TCERG1L: variants seen among roughly 807,000 people sequenced by gnomAD.
TCERG1L encodes the protein transcription elongation regulator 1-like protein.
Under a neutral mutation model 56.3 loss-of-function variants are expected in TCERG1L, and 37 were observed. The ratio of observed to expected loss-of-function variants is 0.66; its 90% CI spans 0.51 to 0.87. The LOEUF (loss-of-function observed/expected upper bound fraction) is 0.87. TCERG1L is among the 40% of genes least tolerant of loss of function. TCERG1L has a pLI of 0.00. For synonymous variants in TCERG1L, 324 were observed against 326.3 expected, an observed-to-expected ratio of 0.99 and a Z score of 0.08; for missense variants, 799 against 774.2, an observed-to-expected ratio of 1.03 and a Z score of -0.38.
intron 10 of TCERG1L, among the ~76,000 whole-genome samples, chr10:131,100,684 T>A (rs903640816): frequency 6.6e-6 from 1 of 152,088 alleles, no homozygotes; most frequent in Non-Finnish European, 1.5e-5. Flanking sequence ...CCTGTGCAGC[T>A]CCCCCGGCAG....
intron 6 of TCERG1L, among the ~76,000 whole-genome samples, chr10:131,157,068 C>G (rs866424518): frequency 6.6e-6 from 1 of 152,196 alleles, no homozygotes; most frequent in Non-Finnish European, 1.5e-5. Flanking sequence ...CTACTAACAT[C>G]AGAGGAATGC....
chr10:131,240,623 TAC>T (rs1265266480), intron 4 of TCERG1L, among the ~76,000 whole-genome samples: 2 of 152,246 alleles, frequency 1.3e-5, no homozygotes, highest in East Asian at 3.9e-4. Flanking sequence ...GCACAGGGTT[TAC>T]AGTCTTGCAG....
intron 3 of TCERG1L, among the ~76,000 whole-genome samples, chr10:131,276,832 C>G (rs147367386): frequency 6.4e-4 from 98 of 152,244 alleles, no homozygotes; most frequent in Non-Finnish European, 1.2e-3. Context: ...ATAAATGTGT[C>G]CACACTGATG....
rs767194860 is a variant in TCERG1L at position 131,229,522 on chromosome 10, C to T, written c.856+30737G>A. Among the ~76,000 whole-genome samples, 4 of 152,040 alleles carry T rather than the reference C, an allele frequency of 2.6e-5. No homozygotes were observed. The South Asian group carries it at 6.2e-4, about 24-fold the overall frequency. On this transcript the variant is annotated intron_variant, in intron 4 of 11. Coordinates refer to ENST00000368642, the MANE Select transcript of TCERG1L (RefSeq NM_174937.4). ...TGCTCAGCACCACCATTCCAGGAAG[C>T]GAAGGTCAACATGACAGTAAAATAT...
intron 4 of TCERG1L, among the ~76,000 whole-genome samples, chr10:131,233,480 G>A (rs575832402): frequency 1.3e-4 from 19 of 150,364 alleles, no homozygotes; most frequent in African/African-American, 3.4e-4. Context: ...ACACAGACAC[G>A]CACACACGCT....
In TCERG1L at chr10:131,267,998, C is replaced by A. The variant is rs1055968473; in HGVS notation, c.671-7554G>T. Among the ~76,000 whole-genome samples, 1 of 152,194 alleles carries A rather than the reference C, an allele frequency of 6.6e-6. No homozygotes were observed. Among genetic ancestry groups the A allele is most frequent in the Non-Finnish European group, 1.5e-5 (1 of 68,032 alleles). On this transcript the variant is annotated intron_variant, in intron 3 of 11. Transcript: ENST00000368642. This position sits in a 1 kb window ranked among gnomAD's most constrained non-coding sequence, Gnocchi z 4.9. ...CTGGGAGCGAATTGCAGGCCCTGGG[C>A]CCAGCTGCCAGGAGTGCCAGGCTCA...
At chr10:131,174,800 G>A (rs1272085913) in intron 4 of TCERG1L, among the ~76,000 whole-genome samples, 3 of 152,034 alleles carry the variant, frequency 2.0e-5, no homozygotes, top group Admixed American at 6.6e-5. Context: ...CCACAAGAAG[G>A]GGTCTCAGTA....
At chr10:131,100,082 G>C (rs2133379586) in intron 10 of TCERG1L, among the ~76,000 whole-genome samples, 1 of 152,126 alleles carries the variant, frequency 6.6e-6, no homozygotes, top group East Asian at 1.9e-4. Flanking sequence ...GGCCAGCCTG[G>C]TTGCGAACTC....
Position 131,146,635 on chromosome 10 carries a change from G to C in TCERG1L, c.1060C>G (p.Arg354Gly), listed in dbSNP as rs776171772. The C allele has an allele frequency of 2.5e-6, 4 of 1,613,516 alleles. No homozygotes were observed. Among genetic ancestry groups the C allele is most frequent in the East Asian group, 2.2e-5 (1 of 44,862 alleles). The change falls in exon 7 of 12, where the codon CGA becomes GGA. Residue 354 changes from arginine to glycine, a missense_variant. Physicochemically the swap from Arg to Gly is moderately radical, Grantham distance 125 (BLOSUM62 -2). Transcript: ENST00000368642. The part of the protein sequence containing the change: ...PWCVVWTGDD[R>G]VFFFNPTMHL... Reference sequence around the variant, plus strand: ...ATCGTTGGGTTGAAGAAGAAAACTCGGTCATCGCCCGTCCAGACCACACAC... The same window carrying C: ...ATCGTTGGGTTGAAGAAGAAAACTCCGTCATCGCCCGTCCAGACCACACAC...
At chr10:131,291,803 A>G (rs1451092693) in intron 3 of TCERG1L, among the ~76,000 whole-genome samples, 3 of 151,786 alleles carry the variant, frequency 2.0e-5, no homozygotes, top group Non-Finnish European at 4.4e-5. Context: ...ATTACTTCTC[A>G]GAATGTTGTC....
At chr10:131,255,733 A>G (rs1488480210) in intron 4 of TCERG1L, among the ~76,000 whole-genome samples, 3 of 152,266 alleles carry the variant, frequency 2.0e-5, no homozygotes, top group Non-Finnish European at 4.4e-5. Flanking sequence ...GGAACGGAGC[A>G]GCTCAGAAAG....
intron 4 of TCERG1L, among the ~76,000 whole-genome samples, chr10:131,231,585 T>C (rs1429923676): frequency 6.6e-6 from 1 of 151,248 alleles, no homozygotes; most frequent in Non-Finnish European, 1.5e-5. Flanking sequence ...ATCAGAGGGG[T>C]TCGGAGCAGG....
At chr10:131,197,652 G>A (rs923374659) in intron 4 of TCERG1L, among the ~76,000 whole-genome samples, 1 of 152,174 alleles carries the variant, frequency 6.6e-6, no homozygotes, top group East Asian at 1.9e-4. Flanking sequence ...TCTACCCAGG[G>A]AGATGGCCCA....
chr10:131,109,582 C>T (rs905767121), intron 9 of TCERG1L, among the ~76,000 whole-genome samples: 1 of 152,190 alleles, frequency 6.6e-6, no homozygotes, highest in Non-Finnish European at 1.5e-5. Context: ...GTGTTTGACT[C>T]TGTCCGAGGA....
intron 6 of TCERG1L, among the ~76,000 whole-genome samples, chr10:131,158,462 G>A (rs1230288600): frequency 1.3e-5 from 2 of 152,182 alleles, no homozygotes; most frequent in Non-Finnish European, 2.9e-5. Context: ...AGTTAACCAC[G>A]AGTAAGACTA....
chr10:131,182,025 T>C (rs1845184533), intron 4 of TCERG1L, among the ~76,000 whole-genome samples: 1 of 152,154 alleles, frequency 6.6e-6, no homozygotes, highest in Non-Finnish European at 1.5e-5. Flanking sequence ...TATGTGTGTG[T>C]ACATAGCACT....
At chr10:131,102,237 T>C (rs1409824922) in intron 10 of TCERG1L, among the ~76,000 whole-genome samples, 2 of 152,170 alleles carry the variant, frequency 1.3e-5, no homozygotes, top group Non-Finnish European at 2.9e-5. Context: ...TCCAAGTTCT[T>C]GAAAGGTTCA....
intron 4 of TCERG1L, among the ~76,000 whole-genome samples, chr10:131,230,950 T>C (rs929053641): frequency 4.0e-5 from 6 of 150,724 alleles, no homozygotes; most frequent in South Asian, 2.1e-4. Flanking sequence ...GACTTCGTAA[T>C]TGTTTAGGGA....
intron 4 of TCERG1L, among the ~76,000 whole-genome samples, chr10:131,180,344 G>C (rs909336792): frequency 1.3e-5 from 2 of 152,222 alleles, no homozygotes; most frequent in Non-Finnish European, 2.9e-5. Context: ...GCTGCCACTG[G>C]GCATTGCAGG....
Sources: allele counts gnomAD v4.1 joint callset (sites outside exome capture counted in the v4.1 genomes callset), GRCh38; gene constraint gnomAD v4.1.1; non-coding constraint Gnocchi (gnomAD v3.1); transcripts MANE v1.5; gene names NCBI Gene and HGNC (gene_info 2026-07-23, HGNC 2026-07-21).